R3HCC1L: variants seen among roughly 807,000 people sequenced by gnomAD.
R3HCC1L encodes the protein coiled-coil domain-containing protein R3HCC1L.
In R3HCC1L, 51 loss-of-function variants were observed where a neutral mutation model predicts 59.9. The ratio of observed to expected loss-of-function variants is 0.85; its 90% CI spans 0.68 to 1.07. The LOEUF is 1.07. R3HCC1L is among the 50% of genes least tolerant of loss of function. R3HCC1L has a pLI of 0.00. For synonymous variants in R3HCC1L, 322 were observed against 315.2 expected, an observed-to-expected ratio of 1.02 and a Z score of -0.23; for missense variants, 965 against 933.0, an observed-to-expected ratio of 1.03 and a Z score of -0.45.
rs535845739 is a variant in R3HCC1L, at chr10:98,151,548, G to A, written c.-267-4545G>A. Among the ~76,000 whole-genome samples, 32 of 152,256 alleles carry A rather than the reference G, an allele frequency of 2.1e-4. No homozygotes were observed. The South Asian group carries it at 6.4e-3, about 31-fold the overall frequency. ...TTTATCTATTTTGTTTTAAAAATTA[G>A]TTATGTTCCTATATAATTATGTCGC... On this transcript the variant is annotated intron_variant, in intron 1 of 9. Coordinates refer to ENST00000298999, the MANE Select transcript of R3HCC1L (RefSeq NM_001351015.2).
chr10:98,214,931 C>T (rs1182695989), intron 5 of R3HCC1L, among the ~76,000 whole-genome samples: 2 of 152,194 alleles, frequency 1.3e-5, no homozygotes, highest in African/African-American at 2.4e-5. Flanking sequence ...TCTAGTCTAG[C>T]CTACAATCTA....
At chr10:98,202,694 T>A (rs1252919) in intron 4 of R3HCC1L, among the ~76,000 whole-genome samples, 145,590 of 152,130 alleles carry the variant, frequency 0.96, 69,968 homozygotes, top group East Asian at 1. Flanking sequence ...TCTACTAAAA[T>A]TATAAAAATG....
intron 5 of R3HCC1L, among the ~76,000 whole-genome samples, chr10:98,224,840 G>A (rs1159589864): frequency 1.3e-5 from 2 of 152,184 alleles, no homozygotes; most frequent in Non-Finnish European, 2.9e-5. Context: ...GACTTTATAG[G>A]AGGGATTGCC....
At chr10:98,137,202 TC>T (rs1265216684) in intron 1 of R3HCC1L, among the ~76,000 whole-genome samples, 1 of 151,932 alleles carries the variant, frequency 6.6e-6, no homozygotes, top group Non-Finnish European at 1.5e-5. Context: ...AGAGCAAGAC[TC>T]CCGTCTCAAA....
At chr10:98,137,859 G>A (rs962675207) in intron 1 of R3HCC1L, among the ~76,000 whole-genome samples, 2 of 152,212 alleles carry the variant, frequency 1.3e-5, no homozygotes, top group African/African-American at 4.8e-5. Flanking sequence ...AGACGTTTAT[G>A]GAACAGTTTT....
chr10:98,195,460 A>G (rs1408110219), intron 4 of R3HCC1L, among the ~76,000 whole-genome samples: 2 of 145,450 alleles, frequency 1.4e-5, no homozygotes, highest in Non-Finnish European at 3.0e-5. Flanking sequence ...TTTTTTTTTT[A>G]CTACAGAAAA....
chr10:98,143,992 A>G (rs1031075428), intron 1 of R3HCC1L, among the ~76,000 whole-genome samples: 3 of 152,066 alleles, frequency 2.0e-5, no homozygotes, highest in Non-Finnish European at 2.9e-5. Context: ...GCTGTTATAT[A>G]TAAACTTTGT....
chr10:98,236,456 A>T (rs1054386854), intron 9 of R3HCC1L, among the ~76,000 whole-genome samples: 1 of 152,078 alleles, frequency 6.6e-6, no homozygotes, highest in Non-Finnish European at 1.5e-5. Context: ...CTATGAGAAA[A>T]ATTTTCCTGT....
At chr10:98,173,421 C>G (rs949558763) in intron 4 of R3HCC1L, among the ~76,000 whole-genome samples, 1 of 152,144 alleles carries the variant, frequency 6.6e-6, no homozygotes, top group Non-Finnish European at 1.5e-5. Context: ...TCACTTCAGA[C>G]TGGGGGAGGG....
chr10:98,172,613 C>G (rs1199252484), intron 4 of R3HCC1L, among the ~76,000 whole-genome samples: 1 of 152,154 alleles, frequency 6.6e-6, no homozygotes, highest in African/African-American at 2.4e-5. Flanking sequence ...GCCATCTGTC[C>G]ATCCATCCAT....
intron 2 of R3HCC1L, among the ~76,000 whole-genome samples, chr10:98,157,335 G>A (rs774992794): frequency 2.6e-5 from 4 of 152,152 alleles, no homozygotes; most frequent in Non-Finnish European, 5.9e-5. Context: ...GGGGTGGGGC[G>A]ATAGATTTTA....
intron 1 of R3HCC1L, among the ~76,000 whole-genome samples, chr10:98,138,404 A>C (rs1170114564): frequency 6.6e-6 from 1 of 152,200 alleles, no homozygotes; most frequent in Non-Finnish European, 1.5e-5. Context: ...AATCTTAAAC[A>C]CTTTTGGCTG....
intron 1 of R3HCC1L, among the ~76,000 whole-genome samples, chr10:98,153,050 C>G (rs7083483): frequency 6.6e-6 from 1 of 151,344 alleles, no homozygotes; most frequent in East Asian, 2.0e-4. Flanking sequence ...CGCCTCTGCC[C>G]GGCCGCCCCT....
At chr10:98,242,027 A>G (rs1189218673) in intron 9 of R3HCC1L, among the ~76,000 whole-genome samples, 4 of 151,998 alleles carry the variant, frequency 2.6e-5, no homozygotes, top group Admixed American at 6.6e-5. Flanking sequence ...ATTAGAATCT[A>G]TTTACTTTTA....
intron 1 of R3HCC1L, among the ~76,000 whole-genome samples, chr10:98,142,435 C>G (rs1365310458): frequency 6.7e-6 from 1 of 149,800 alleles, no homozygotes; most frequent in Non-Finnish European, 1.5e-5. Context: ...GCCAGGAGTT[C>G]GAGACCAGCC....
At chr10:98,240,845 C>T (rs1437824849) in intron 9 of R3HCC1L, among the ~76,000 whole-genome samples, 1 of 140,582 alleles carries the variant, frequency 7.1e-6, no homozygotes, top group African/African-American at 2.6e-5. Context: ...TGTGATGTAG[C>T]GTTTACTCAT....
chr10:98,136,311 C>T (rs1297780834), intron 1 of R3HCC1L, among the ~76,000 whole-genome samples: 2 of 152,080 alleles, frequency 1.3e-5, no homozygotes, highest in Non-Finnish European at 2.9e-5. Flanking sequence ...TGTACAAATT[C>T]GAGCAAATTT....
chr10:98,242,700 G>A (rs1221259804), intron 9 of R3HCC1L, among the ~76,000 whole-genome samples: 1 of 152,182 alleles, frequency 6.6e-6, no homozygotes, highest in African/African-American at 2.4e-5. Context: ...AAAAATTGGA[G>A]TTCTAATAAT....
intron 5 of R3HCC1L, among the ~76,000 whole-genome samples, chr10:98,214,495 T>C (rs1853942495): frequency 6.6e-6 from 1 of 152,178 alleles, no homozygotes; most frequent in Non-Finnish European, 1.5e-5. Flanking sequence ...ACCTACATAA[T>C]TGAGAATTGA....
Sources: allele counts gnomAD v4.1 joint callset (sites outside exome capture counted in the v4.1 genomes callset), GRCh38; gene constraint gnomAD v4.1.1; transcripts MANE v1.5; gene names NCBI Gene and HGNC (gene_info 2026-07-23, HGNC 2026-07-21).